UNC5D: variants seen among roughly 807,000 people sequenced by gnomAD.
UNC5D encodes unc-5 netrin receptor D.
Under a neutral mutation model 105.4 loss-of-function variants are expected in UNC5D, and 39 were observed. The observed-to-expected ratio is 0.37, with a 90% CI of 0.29 to 0.48. The LOEUF (loss-of-function observed/expected upper bound fraction) is 0.48. Among genes scored for constraint, UNC5D ranks in the 20% least tolerant of loss-of-function variants. The pLI is 0.98. For synonymous variants in UNC5D, 452 were observed against 450.4 expected, an observed-to-expected ratio of 1.00 and a Z score of -0.04; for missense variants, 991 against 1,202.4, an observed-to-expected ratio of 0.82 and a Z score of 2.60.
At position 35,235,590 on chromosome 8, in the gene UNC5D, G is replaced by C. The variant is rs1305522342; in HGVS notation, c.-195G>C. ...TCGCCGCGCCGTGGGAAGCTATGGG[G>C]ACGCGCCCTTTCTCGGGGTGCCCAT... On this transcript the variant is annotated 5_prime_UTR_variant, in exon 1 of 17. Coordinates refer to ENST00000404895, the MANE Select transcript of UNC5D (RefSeq NM_080872.4). The C allele has an allele frequency of 9.8e-6, 4 of 406,196 alleles. No individual in the cohort carries two copies. The highest frequency in any genetic ancestry group is 1.7e-5 in the Non-Finnish European group (4 of 238,790). The allele number at this position is 406,196 out of a possible 1,614,324, so 25.2% of individuals were successfully genotyped here. A position where few individuals can be genotyped will look rare whatever the true frequency, so the allele number is the denominator to read the frequency against.
chr8:35,468,108 T>G (rs748357540), intron 1 of UNC5D, among the ~76,000 whole-genome samples: 4 of 152,184 alleles, frequency 2.6e-5, no homozygotes, highest in Non-Finnish European at 2.9e-5. Context: ...TTTCTCAATG[T>G]CAAAACCAAG....
At chr8:35,573,596 C>T (rs920570280) in intron 3 of UNC5D, among the ~76,000 whole-genome samples, 5 of 152,110 alleles carry the variant, frequency 3.3e-5, no homozygotes, top group African/African-American at 7.2e-5. Context: ...TTTTCTGTTA[C>T]GTGGGAGTTT....
At chr8:35,393,716 T>C (rs556568749) in intron 1 of UNC5D, among the ~76,000 whole-genome samples, 1 of 152,222 alleles carries the variant, frequency 6.6e-6, no homozygotes, top group Non-Finnish European at 1.5e-5. Context: ...GTATTGAAAA[T>C]GAAAAGCACC....
chr8:35,470,931 C>T (rs1348651525), intron 1 of UNC5D, among the ~76,000 whole-genome samples: 2 of 152,130 alleles, frequency 1.3e-5, no homozygotes, highest in Non-Finnish European at 2.9e-5. Context: ...GTCACTTAGG[C>T]ATTGCATCAA....
intron 7 of UNC5D, among the ~76,000 whole-genome samples, chr8:35,690,485 A>T (rs1198071935): frequency 5.3e-5 from 8 of 152,140 alleles, no homozygotes; most frequent in African/African-American, 1.9e-4. Flanking sequence ...AAATTAAAAA[A>T]ATATAAGCCA....
intron 1 of UNC5D, among the ~76,000 whole-genome samples, chr8:35,344,876 G>A (rs776487101): frequency 2.0e-5 from 3 of 151,908 alleles, no homozygotes; most frequent in Admixed American, 1.3e-4. Context: ...TTATAAAATC[G>A]TGAGATGACT....
chr8:35,778,192 C>T (rs1026212883), intron 16 of UNC5D, among the ~76,000 whole-genome samples: 2 of 152,174 alleles, frequency 1.3e-5, no homozygotes, highest in African/African-American at 2.4e-5. Flanking sequence ...ACAGGGCCTT[C>T]TCATTCAGTT....
At chr8:35,605,807 C>T (rs1188828188) in intron 4 of UNC5D, among the ~76,000 whole-genome samples, 1 of 152,140 alleles carries the variant, frequency 6.6e-6, no homozygotes, top group African/African-American at 2.4e-5. Flanking sequence ...CACCTCAATA[C>T]AATATTTAGA....
intron 8 of UNC5D, among the ~76,000 whole-genome samples, chr8:35,716,045 G>A (rs188324599): frequency 5.3e-5 from 8 of 152,244 alleles, no homozygotes; most frequent in Admixed American, 4.6e-4. Context: ...TCAGTTTTTT[G>A]ATGATGCCAG....
intron 4 of UNC5D, among the ~76,000 whole-genome samples, chr8:35,647,531 T>C (rs1258428603): frequency 6.6e-6 from 1 of 152,118 alleles, no homozygotes; most frequent in Non-Finnish European, 1.5e-5. Context: ...GTCTTCATGT[T>C]AGGGAATAGG....
chr8:35,245,846 T>C (rs189024368), intron 1 of UNC5D, among the ~76,000 whole-genome samples: 1 of 152,182 alleles, frequency 6.6e-6, no homozygotes, highest in African/African-American at 2.4e-5. Context: ...ATCATCATCA[T>C]AGCAAACTTA....
At chr8:35,515,640 G>A (rs1414151103) in intron 1 of UNC5D, among the ~76,000 whole-genome samples, 3 of 152,160 alleles carry the variant, frequency 2.0e-5, no homozygotes, top group Non-Finnish European at 2.9e-5. Context: ...AGCCAAGATC[G>A]TGCCACTGCA....
At chr8:35,766,353 G>A (rs1294911605) in intron 14 of UNC5D, among the ~76,000 whole-genome samples, 1 of 151,986 alleles carries the variant, frequency 6.6e-6, no homozygotes, top group Non-Finnish European at 1.5e-5. Context: ...CTCCCTGGCT[G>A]TGTGTATATG....
chr8:35,680,864 C>G (rs180993941), intron 4 of UNC5D, among the ~76,000 whole-genome samples: 1 of 152,164 alleles, frequency 6.6e-6, no homozygotes, highest in Non-Finnish European at 1.5e-5. Context: ...AAGAAGAGGA[C>G]AGCTGAGCGG....
At chr8:35,789,736 T>G (rs1802940989) in intron 16 of UNC5D, among the ~76,000 whole-genome samples, 1 of 151,976 alleles carries the variant, frequency 6.6e-6, no homozygotes, top group South Asian at 2.1e-4. Flanking sequence ...ATAAGCCCAC[T>G]GAGGAAGGAA....
intron 1 of UNC5D, among the ~76,000 whole-genome samples, chr8:35,395,882 C>T (rs1804066618): frequency 1.3e-5 from 2 of 152,226 alleles, no homozygotes; most frequent in East Asian, 1.9e-4. Flanking sequence ...TTCTTCAGCA[C>T]AGGATAGAGC....
At chr8:35,678,314 T>A (rs1219816122) in intron 4 of UNC5D, among the ~76,000 whole-genome samples, 2 of 152,200 alleles carry the variant, frequency 1.3e-5, no homozygotes. Flanking sequence ...TCAGTCATAA[T>A]ACCTTCCCTT....
At chr8:35,495,455 CAACAAAAAAAA>C (rs1811502578) in intron 1 of UNC5D, among the ~76,000 whole-genome samples, 1 of 32,428 alleles carries the variant, frequency 3.1e-5, no homozygotes, top group Middle Eastern at 0.016. Context: ...ACAACAACAA[CAACAAAAAAAA>C]AAAAAAAAAA....
At chr8:35,479,066 A>G (rs1810305802) in intron 1 of UNC5D, among the ~76,000 whole-genome samples, 1 of 152,250 alleles carries the variant, frequency 6.6e-6, no homozygotes, top group East Asian at 1.9e-4. Context: ...TCAGTACTGG[A>G]TTGCAGCATT....
Sources: gnomAD v4.1 joint callset for allele counts (sites outside exome capture counted in the v4.1 genomes callset) on GRCh38, gnomAD v4.1.1 for gene constraint, MANE v1.5 for transcripts, NCBI Gene and HGNC (gene_info 2026-07-23, HGNC 2026-07-21) for gene names.